The following SOX30 variants were observed in gnomAD, a reference collection of about 807,000 sequenced individuals.
SOX30 encodes the protein SRY-box transcription factor 30.
Under a neutral mutation model 58.6 loss-of-function variants are expected in SOX30, and 17 were observed. The observed-to-expected ratio is 0.29, with a 90% CI of 0.20 to 0.44. The LOEUF (loss-of-function observed/expected upper bound fraction) is 0.44, where lower values mean the gene tolerates loss of function less well. Among genes scored for constraint, SOX30 ranks in the 20% least tolerant of loss-of-function variants. The pLI, the probability that SOX30 is intolerant of heterozygous loss-of-function variation, is 1.00. For synonymous variants in SOX30, 421 were observed against 400.2 expected, an observed-to-expected ratio of 1.05 and a Z score of -0.62; for missense variants, 951 against 965.8, an observed-to-expected ratio of 0.98 and a Z score of 0.20.
intron 2 of SOX30, among the ~76,000 whole-genome samples, chr5:157,647,721 A>AT (rs1300642803): frequency 6.6e-6 from 1 of 151,356 alleles, no homozygotes; most frequent in African/African-American, 2.4e-5. Context: ...TGCCCAGCTA[A>AT]TTTTTTTATT....
intron 1 of SOX30, among the ~76,000 whole-genome samples, chr5:157,669,397 C>A (rs1018579866): frequency 1.3e-5 from 2 of 152,124 alleles, no homozygotes; most frequent in Non-Finnish European, 2.9e-5. Flanking sequence ...TTTGGCCAGG[C>A]TGGTCTTAAA....
intron 1 of SOX30, chr5:157,667,990 A>G: frequency 1.1e-6 from 1 of 919,546 alleles, no homozygotes; most frequent in Non-Finnish European, 1.6e-6. Flanking sequence ...ACCAAGGCAC[A>G]GAGAGGTGGA....
At chr5:157,644,775 G>A (rs551274015) in intron 3 of SOX30, among the ~76,000 whole-genome samples, 8 of 152,176 alleles carry the variant, frequency 5.3e-5, no homozygotes, top group Non-Finnish European at 8.8e-5. Context: ...GAGGCCAGGA[G>A]TTCGAGACAA....
chr5:157,647,955 G>T (rs975865152), intron 2 of SOX30, among the ~76,000 whole-genome samples: 2 of 152,150 alleles, frequency 1.3e-5, no homozygotes, highest in Admixed American at 6.5e-5. Context: ...TCCAAAGTCA[G>T]AACAGTGGAA....
intron 4 of SOX30, among the ~76,000 whole-genome samples, chr5:157,628,365 T>TCACACACACA (rs70984476): frequency 8.3e-4 from 116 of 139,702 alleles, no homozygotes; most frequent in African/African-American, 2.1e-3. Flanking sequence ...TTTCTGGCCT[T>TCACACACACA]CACACACACA....
intron 2 of SOX30, among the ~76,000 whole-genome samples, chr5:157,665,213 G>A (rs1312798468): frequency 6.6e-6 from 1 of 152,164 alleles, no homozygotes. Context: ...GTCCATCAAT[G>A]ATAGACTGGA....
chr5:157,632,047 T>TAAAAAAAAAAAAAAAAAAAAAAA lies in SOX30; in HGVS notation c.1881-5349_1881-5327dup, dbSNP rs570172679. ...GACACAGCAAGACCCACCCCGTAAC[T>TAAAAAAAAAAAAAAAAAAAAAAA]AAAAAAAAAAAAAAAAAAAAAAAAA... On this transcript the variant is annotated intron_variant, in intron 4 of 4. Transcript: ENST00000265007. 3.5e-4 allele frequency among the ~76,000 whole-genome samples: 20 copies of TAAAAAAAAAAAAAAAAAAAAAAA among 56,404 alleles called. 3 individuals are homozygous for TAAAAAAAAAAAAAAAAAAAAAAA. Among genetic ancestry groups the TAAAAAAAAAAAAAAAAAAAAAAA allele is most frequent in the African/African-American group, 1.6e-3 (20 of 12,772 alleles). 37.0% of individuals were successfully genotyped at this position (56,404 alleles called of 152,430 possible).
rs893071651 is a variant in SOX30 at position 157,641,413 on chromosome 5, A to G, written c.1388-2691T>C. 2.6e-5 allele frequency among the ~76,000 whole-genome samples: 4 copies of G among 152,056 alleles called. 1 individual carries two copies. The East Asian group carries it at 7.7e-4, about 29-fold the overall frequency. ...AGATCGACTGAGGTCAGAGGTTCAA[A>G]ACCAGCCTGGCCAACATGGTAAAAC... On this transcript the variant is annotated intron_variant, in intron 3 of 4. Coordinates refer to ENST00000265007, the MANE Select transcript of SOX30 (RefSeq NM_178424.2).
chr5:157,669,492 T>TTATG (rs1191356549), intron 1 of SOX30, among the ~76,000 whole-genome samples: 1 of 134,590 alleles, frequency 7.4e-6, no homozygotes, highest in Non-Finnish European at 1.6e-5. Context: ...TCAATTTTAT[T>TTATG]TATTTATTTA....
rs767560255 is a variant in SOX30 at position 157,651,872 on chromosome 5, C to T, written c.207G>A (p.Arg69=). 1 of 1,555,728 alleles carries T rather than the reference C, an allele frequency of 6.4e-7. No individual in the cohort carries two copies. Among genetic ancestry groups the T allele is most frequent in the Admixed American group, 1.9e-5 (1 of 52,592 alleles). ...CCTGCTCTGGCTTCACCTGCAGCAG[C>T]CGCCGCACCGCGGGCTGTAAGCCGG... ...VASGLQPAVR[R]LLQVKPEQVL... Residue 69 remains arginine, a synonymous_variant, in exon 1 of 5, where the codon CGG becomes CGA. Coordinates refer to ENST00000265007, the MANE Select transcript of SOX30 (RefSeq NM_178424.2).
intron 3 of SOX30, among the ~76,000 whole-genome samples, chr5:157,640,641 T>C (rs1326291467): frequency 2.0e-5 from 3 of 152,190 alleles, no homozygotes; most frequent in African/African-American, 7.2e-5. Context: ...ATCGCCTGCA[T>C]GTGCACAAGG....
At chr5:157,641,756 T>C (rs563453624) in intron 3 of SOX30, among the ~76,000 whole-genome samples, 1 of 152,316 alleles carries the variant, frequency 6.6e-6, no homozygotes, top group South Asian at 2.1e-4. Flanking sequence ...ATGTTGTTCC[T>C]AGCAGAGTTT....
rs1191197018 is a variant in SOX30, at chr5:157,626,589, A to G, written c.2013T>C (p.Ser671=). 4 of 1,614,078 alleles carry G rather than the reference A, an allele frequency of 2.5e-6. No homozygotes were observed. The highest frequency in any genetic ancestry group is 3.4e-6 in the Non-Finnish European group (4 of 1,180,044). Residue 671 remains serine, a synonymous_variant, in exon 5 of 5, where the codon TCT becomes TCC. Coordinates refer to ENST00000265007, the MANE Select transcript of SOX30 (RefSeq NM_178424.2). ...GIFSTLNRDY[S]FRDYSSECTH... Reference sequence around the variant, plus strand: ...TGCATTCACTTGAGTAGTCTCTAAAAGAATAGTCTCTATTTAAAGTTGAAA... The same window carrying G: ...TGCATTCACTTGAGTAGTCTCTAAAGGAATAGTCTCTATTTAAAGTTGAAA...
intron 3 of SOX30, among the ~76,000 whole-genome samples, chr5:157,643,816 T>C (rs1328766327): frequency 6.6e-6 from 1 of 152,132 alleles, no homozygotes; most frequent in Non-Finnish European, 1.5e-5. Flanking sequence ...AAAAAGTATA[T>C]ACATTAACAA....
chr5:157,658,287 G>T (rs1425238206), intron 2 of SOX30, among the ~76,000 whole-genome samples: 1 of 152,144 alleles, frequency 6.6e-6, no homozygotes, highest in Non-Finnish European at 1.5e-5. Context: ...ACCGTGATTT[G>T]TCTTTAGTAA....
chr5:157,631,049 A>T (rs998297106), intron 4 of SOX30, among the ~76,000 whole-genome samples: 44 of 39,016 alleles, frequency 1.1e-3, no homozygotes, highest in East Asian at 4.3e-3. Context: ...TATATATTTT[A>T]TATATATATA....
intron 1 of SOX30, among the ~76,000 whole-genome samples, chr5:157,650,647 TATTC>T (rs550418333): frequency 1.1e-3 from 170 of 152,346 alleles, no homozygotes; most frequent in Non-Finnish European, 1.9e-3. Flanking sequence ...GAATATTTAT[TATTC>T]ATTTTTAAAG....
intron 4 of SOX30, among the ~76,000 whole-genome samples, chr5:157,631,753 G>T (rs1269654058): frequency 7.4e-6 from 1 of 134,460 alleles, no homozygotes; most frequent in African/African-American, 2.9e-5. Context: ...TAACAGAGTG[G>T]GAACTCGTCT....
At chr5:157,661,922 GT>G (rs991932512) in intron 2 of SOX30, among the ~76,000 whole-genome samples, 1 of 152,052 alleles carries the variant, frequency 6.6e-6, no homozygotes, top group African/African-American at 2.4e-5. Context: ...CATTGGATTG[GT>G]ATTATTAATT....
Sources: allele counts gnomAD v4.1 joint callset (sites outside exome capture counted in the v4.1 genomes callset), GRCh38; gene constraint gnomAD v4.1.1; transcripts MANE v1.5; gene names NCBI Gene and HGNC (gene_info 2026-07-23, HGNC 2026-07-21).